TMEM177: variants seen among roughly 807,000 people sequenced by gnomAD.
TMEM177 encodes transmembrane protein 177.
TMEM177 carries 4 observed loss-of-function variants against 14.2 expected under a neutral mutation model. That is an observed-to-expected ratio of 0.28 (90% CI 0.14 to 0.64). The LOEUF (loss-of-function observed/expected upper bound fraction) is 0.64, where lower values mean the gene tolerates loss of function less well. TMEM177 is among the 30% of genes least tolerant of loss of function. The probability of loss-of-function intolerance (pLI) is 0.82; values close to 1 mark genes in which losing one functional copy is unlikely to be tolerated. For missense variants in TMEM177, 344 were observed against 405.2 expected (o/e 0.85, Z 1.30); for synonymous variants, 179 against 174.5 (o/e 1.03, Z -0.20).
chr2:119,722,382 T>TAAAA, the TMEM177 span, among the ~76,000 whole-genome samples: 1 of 143,512 alleles, frequency 7.0e-6, no homozygotes, highest in Admixed American at 6.9e-5. Flanking sequence ...ATCCTGTTTC[T>TAAAA]AAAAAAAAAA....
downstream of TMEM177, among the ~76,000 whole-genome samples, chr2:119,683,197 G>A (rs541002064): frequency 6.6e-6 from 1 of 152,324 alleles, no homozygotes; most frequent in African/African-American, 2.4e-5. Flanking sequence ...GTGGGCTGGA[G>A]CTCAGTGTGC....
At chr2:119,700,439 G>A in the TMEM177 span, among the ~76,000 whole-genome samples, 1 of 152,170 alleles carries the variant, frequency 6.6e-6, no homozygotes. Context: ...TGTCCACATG[G>A]AGAGAATGCC....
downstream of TMEM177, among the ~76,000 whole-genome samples, chr2:119,686,712 G>A (rs1689021000): frequency 6.6e-6 from 1 of 151,724 alleles, no homozygotes; most frequent in Non-Finnish European, 1.5e-5. Context: ...ATACAGGTGT[G>A]CACCACCATG....
the TMEM177 span, among the ~76,000 whole-genome samples, chr2:119,700,310 CTT>C: frequency 6.6e-6 from 1 of 152,116 alleles, no homozygotes; most frequent in South Asian, 2.1e-4. Context: ...AGGCCAGTGA[CTT>C]TCAAGGTGAG....
downstream of TMEM177, among the ~76,000 whole-genome samples, chr2:119,687,336 C>G (rs1689031313): frequency 6.6e-6 from 1 of 152,190 alleles, no homozygotes; most frequent in South Asian, 2.1e-4. Context: ...TCAGATGAGA[C>G]TGCATGTATT....
At chr2:119,680,783 T>TCCA in intron 1 of TMEM177, 49 bp from the exon 2 acceptor site, 1 of 1,474,210 alleles carries the variant, frequency 6.8e-7, no homozygotes, top group Non-Finnish European at 9.3e-7. Context: ...ATGTTCAGTC[T>TCCA]GCAGGCTGAC....
At chr2:119,721,379 G>A in the TMEM177 span, among the ~76,000 whole-genome samples, 2 of 152,372 alleles carry the variant, frequency 1.3e-5, no homozygotes, top group South Asian at 2.1e-4. Context: ...CATGGGGAGA[G>A]AGCCCAGAAG....
chr2:119,721,659 C>T, the TMEM177 span, among the ~76,000 whole-genome samples: 5 of 152,044 alleles, frequency 3.3e-5, no homozygotes, highest in Non-Finnish European at 4.4e-5. Context: ...CCACTAACGC[C>T]GGGTATTTGT....
At chr2:119,708,174 T>G in the TMEM177 span, among the ~76,000 whole-genome samples, 1 of 152,202 alleles carries the variant, frequency 6.6e-6, no homozygotes, top group Non-Finnish European at 1.5e-5. Flanking sequence ...TCCTTCTGTT[T>G]TCAAGACTCC....
chr2:119,685,276 A>C (rs1688993843), downstream of TMEM177, among the ~76,000 whole-genome samples: 1 of 128,354 alleles, frequency 7.8e-6, no homozygotes, highest in Admixed American at 1.0e-4. Flanking sequence ...ATCTGGATAC[A>C]GCCAGAATAC....
chr2:119,714,775 C>T, the TMEM177 span, among the ~76,000 whole-genome samples: 2 of 143,182 alleles, frequency 1.4e-5, no homozygotes, highest in African/African-American at 3.0e-5. Context: ...AAGAAAATGG[C>T]CAGGGGGCAG....
At chr2:119,690,813 G>A (rs796424962), downstream of TMEM177, among the ~76,000 whole-genome samples, 16 of 152,342 alleles carry the variant, frequency 1.1e-4, no homozygotes, top group African/African-American at 3.1e-4. Flanking sequence ...ATCCGCATCA[G>A]GTGGACACTT....
At chr2:119,687,274 T>A (rs1204659223), downstream of TMEM177, among the ~76,000 whole-genome samples, 1 of 152,166 alleles carries the variant, frequency 6.6e-6, no homozygotes, top group African/African-American at 2.4e-5. Context: ...AGGCACTGAA[T>A]CCTACCAAGA....
chr2:119,701,978 A>T, the TMEM177 span, among the ~76,000 whole-genome samples: 1 of 152,346 alleles, frequency 6.6e-6, no homozygotes, highest in South Asian at 2.1e-4. Flanking sequence ...GAATATCTCA[A>T]GCACGGATCT....
the TMEM177 span, among the ~76,000 whole-genome samples, chr2:119,694,198 C>CCATGCA: frequency 0.03 from 4,605 of 151,386 alleles, 130 homozygotes; most frequent in African/African-American, 0.08. Context: ...ACACAACATA[C>CCATGCA]CATGCACACA....
intron 1 of TMEM177, among the ~76,000 whole-genome samples, chr2:119,680,241 G>A (rs1688859346): frequency 6.6e-6 from 1 of 152,222 alleles, no homozygotes; most frequent in African/African-American, 2.4e-5. Flanking sequence ...AACTGGGGAG[G>A]AGGAGGAGAC....
the TMEM177 span, among the ~76,000 whole-genome samples, chr2:119,721,551 C>A: frequency 6.6e-6 from 1 of 152,200 alleles, no homozygotes; most frequent in Non-Finnish European, 1.5e-5. Flanking sequence ...TTGTAGCCAG[C>A]TGGTCAGAAA....
Position 119,681,016 on chromosome 2 carries a change from G to A in TMEM177, c.163G>A (p.Ala55Thr). ...LYQYWPQGQP[A>T]PLPPQLQSLF... Reference sequence around the variant, plus strand: ...CCAGTACTGGCCTCAGGGCCAGCCAGCTCCGCTCCCTCCACAGCTGCAGAG... The same window carrying A: ...CCAGTACTGGCCTCAGGGCCAGCCAACTCCGCTCCCTCCACAGCTGCAGAG... Residue 55 changes from alanine to threonine, a missense_variant, in exon 2 of 2, where the codon GCT (alanine) becomes ACT (threonine). Ala to Thr is a moderately conservative substitution (Grantham distance 58, BLOSUM62 0). Transcript: ENST00000272521. 1 of 1,614,252 alleles carries A rather than the reference G, an allele frequency of 6.2e-7. No individual in the cohort carries two copies. The highest frequency in any genetic ancestry group is 2.2e-5 in the East Asian group (1 of 44,882).
the TMEM177 span, among the ~76,000 whole-genome samples, chr2:119,704,970 G>A: frequency 6.6e-6 from 1 of 152,140 alleles, no homozygotes; most frequent in African/African-American, 2.4e-5. Flanking sequence ...CATCTGGAAG[G>A]GAAAGTTGCG....
Sources: allele counts gnomAD v4.1 joint callset (sites outside exome capture counted in the v4.1 genomes callset), GRCh38; gene constraint gnomAD v4.1.1; transcripts MANE v1.5; gene names NCBI Gene and HGNC (gene_info 2026-07-23, HGNC 2026-07-21).